The following PTCHD4 variants were observed in gnomAD, a reference collection of about 807,000 sequenced individuals.
PTCHD4 encodes the protein patched domain-containing protein 4.
A neutral mutation model predicts 58.1 loss-of-function variants in PTCHD4; 33 were observed. The observed-to-expected ratio is 0.57, with a 90% confidence interval of 0.43 to 0.76. The LOEUF (loss-of-function observed/expected upper bound fraction) is 0.76. Among genes scored for constraint, PTCHD4 ranks in the 30% least tolerant of loss-of-function variants. The probability of loss-of-function intolerance (pLI) is 0.00; values close to 1 mark genes in which losing one functional copy is unlikely to be tolerated. For missense variants in PTCHD4, 1,058 were observed against 1,027.1 expected, an observed-to-expected ratio of 1.03 and a Z score of -0.41; for synonymous variants, 478 against 409.6, an observed-to-expected ratio of 1.17 and a Z score of -2.02.
intron 4 of PTCHD4, among the ~76,000 whole-genome samples, chr6:47,995,862 G>T (rs1442152663): frequency 6.6e-6 from 1 of 152,142 alleles, no homozygotes; most frequent in Non-Finnish European, 1.5e-5. Flanking sequence ...AGCCACCCAT[G>T]CTATGAAACA....
chr6:47,935,350 G>T (rs1280492816), intron 4 of PTCHD4, among the ~76,000 whole-genome samples: 1 of 152,184 alleles, frequency 6.6e-6, no homozygotes, highest in East Asian at 1.9e-4. Context: ...GGAAAAATTA[G>T]TATGTTGGAG....
intron 3 of PTCHD4, among the ~76,000 whole-genome samples, chr6:48,040,119 C>T (rs185340169): frequency 7.2e-5 from 11 of 152,176 alleles, no homozygotes; most frequent in Admixed American, 3.3e-4. Context: ...CTTTATGACG[C>T]TATGATTCTA....
chr6:47,969,368 A>G (rs150954893), intron 4 of PTCHD4, among the ~76,000 whole-genome samples: 75 of 152,360 alleles, frequency 4.9e-4, no homozygotes, highest in Middle Eastern at 6.8e-3. Flanking sequence ...TTTTGCATTC[A>G]TGGGTTTAGA....
intron 4 of PTCHD4, among the ~76,000 whole-genome samples, chr6:48,002,781 T>A (rs1339812680): frequency 2.1e-5 from 3 of 140,670 alleles, no homozygotes; most frequent in Admixed American, 6.9e-5. Context: ...TAATAATAAT[T>A]GTCTTTATTC....
intron 4 of PTCHD4, 80 bp downstream of exon 4, chr6:48,008,553 AT>A: frequency 6.8e-7 from 1 of 1,462,234 alleles, no homozygotes; most frequent in Non-Finnish European, 9.1e-7. Context: ...ATTAAAACAG[AT>A]TTCCACCTGA....
chr6:48,007,933 C>T (rs1016844394), intron 4 of PTCHD4, among the ~76,000 whole-genome samples: 8 of 35,760 alleles, frequency 2.2e-4, no homozygotes, highest in South Asian at 2.3e-3. Flanking sequence ...TATGTGCGCG[C>T]GCGCACACAC....
intron 3 of PTCHD4, among the ~76,000 whole-genome samples, chr6:48,010,752 A>AC (rs1181414564): frequency 2.0e-5 from 3 of 151,976 alleles, no homozygotes; most frequent in Non-Finnish European, 4.4e-5. Context: ...CTCCTAGCCC[A>AC]CCACCCACCG....
Position 47,978,923 on chromosome 6 carries a change from C to A in PTCHD4, c.898+29711G>T, listed in dbSNP as rs1767787085. ...AAATAACCAGAATGAATATTCTATT[C>A]ATTTTTGTTATGAATATTCTATTCA... On this transcript the variant is annotated intron_variant, in intron 4 of 4. Transcript: ENST00000339488. 1.3e-5 allele frequency among the ~76,000 whole-genome samples: 2 copies of A among 151,952 alleles called. 1 individual carries two copies. Among genetic ancestry groups the A allele is most frequent in the South Asian group, 4.2e-4 (2 of 4,812 alleles).
chr6:47,901,940 A>C (rs762931320), intron 4 of PTCHD4: 1 of 1,298,928 alleles, frequency 7.7e-7, no homozygotes, highest in South Asian at 1.2e-5. Flanking sequence ...AGATGCCTTA[A>C]AAATAGTATG....
chr6:48,014,554 T>C (rs1762800843), intron 3 of PTCHD4, among the ~76,000 whole-genome samples: 1 of 152,138 alleles, frequency 6.6e-6, no homozygotes, highest in South Asian at 2.1e-4. Context: ...GGCTAGTTTA[T>C]TTGGTTTTCT....
At chr6:47,882,998 G>A (rs928121828) in intron 4 of PTCHD4, among the ~76,000 whole-genome samples, 1 of 151,240 alleles carries the variant, frequency 6.6e-6, no homozygotes, top group Non-Finnish European at 1.5e-5. Context: ...TATAATTCTT[G>A]ATTCTAGATG....
At chr6:47,896,269 A>G (rs1179725003) in intron 4 of PTCHD4, among the ~76,000 whole-genome samples, 3 of 152,250 alleles carry the variant, frequency 2.0e-5, no homozygotes, top group Non-Finnish European at 4.4e-5. Flanking sequence ...TCCAGTCAGT[A>G]CTGTACAAAT....
chr6:48,099,929 AGT>A (rs1765564235), intron 1 of PTCHD4, among the ~76,000 whole-genome samples: 1 of 152,240 alleles, frequency 6.6e-6, no homozygotes, highest in Non-Finnish European at 1.5e-5. Flanking sequence ...AAGCAATTTC[AGT>A]TACTGGCCAT....
intron 4 of PTCHD4, among the ~76,000 whole-genome samples, chr6:47,989,576 A>G (rs937297041): frequency 1.3e-5 from 2 of 152,210 alleles, no homozygotes; most frequent in Non-Finnish European, 1.5e-5. Flanking sequence ...AAAGGGGCCA[A>G]GGTACAGCTC....
At chr6:48,102,865 C>T (rs1289208887) in intron 1 of PTCHD4, among the ~76,000 whole-genome samples, 1 of 152,190 alleles carries the variant, frequency 6.6e-6, no homozygotes, top group African/African-American at 2.4e-5. Context: ...GCTAGCACAG[C>T]AGTCTGAGAT....
Position 48,046,756 on chromosome 6 carries a change from A to T in PTCHD4, c.417+21474T>A, listed in dbSNP as rs186975415. ...CAACTTGTCAATTTTCAAATAAAAT[A>T]AAATGCACATAAAATAAAGTTTCCC... On this transcript the variant is annotated intron_variant, in intron 3 of 4. Coordinates refer to ENST00000339488, the MANE Select transcript of PTCHD4 (RefSeq NM_001384253.1). Among the ~76,000 whole-genome samples, 92 of 152,038 alleles carry T rather than the reference A, an allele frequency of 6.1e-4. 5 individuals are homozygous for T. The highest frequency in any genetic ancestry group is 2.1e-3 in the African/African-American group (88 of 41,538).
At chr6:47,953,261 T>C (rs540138548) in intron 4 of PTCHD4, among the ~76,000 whole-genome samples, 3 of 152,298 alleles carry the variant, frequency 2.0e-5, no homozygotes, top group African/African-American at 7.2e-5. Flanking sequence ...AGTGAGGTCC[T>C]TATCTTTCAT....
chr6:47,866,337 G>C lies in PTCHD4; in HGVS notation c.*11966C>G, dbSNP rs1040924247. 1.3e-5 allele frequency among the ~76,000 whole-genome samples: 2 copies of C among 151,842 alleles called. No individual in the cohort carries two copies. Among genetic ancestry groups the C allele is most frequent in the African/African-American group, 4.8e-5 (2 of 41,398 alleles). On this transcript the variant is annotated 3_prime_UTR_variant, in exon 5 of 5. Coordinates refer to ENST00000339488, the MANE Select transcript of PTCHD4 (RefSeq NM_001384253.1). The stretch of plus-strand genomic sequence containing the variant: ...GTACTGAGGTTGGGTCTCGCTATAG[G>C]ATATATTGATTTAAGTAGTCTGGCA...
At chr6:47,968,677 G>A (rs975259850) in intron 4 of PTCHD4, among the ~76,000 whole-genome samples, 1 of 152,018 alleles carries the variant, frequency 6.6e-6, no homozygotes, top group Non-Finnish European at 1.5e-5. Flanking sequence ...GTCTCAAATA[G>A]TATTTTTTTA....
Sources: gnomAD v4.1 joint callset for allele counts (sites outside exome capture counted in the v4.1 genomes callset) on GRCh38, gnomAD v4.1.1 for gene constraint, MANE v1.5 for transcripts, NCBI Gene and HGNC (gene_info 2026-07-23, HGNC 2026-07-21) for gene names.